The following RGL4 variants were observed in gnomAD, a reference collection of about 807,000 sequenced individuals.
RGL4 encodes the protein ral guanine nucleotide dissociation stimulator like 4.
In RGL4, 41 loss-of-function variants were observed where a neutral mutation model predicts 49.6. The ratio of observed to expected loss-of-function variants is 0.83; its 90% CI spans 0.64 to 1.07. The LOEUF (loss-of-function observed/expected upper bound fraction) is 1.07. RGL4 is among the 50% of genes least tolerant of loss of function. The pLI is 0.00. For missense variants in RGL4, 610 were observed against 591.9 expected (o/e 1.03, Z -0.32); for synonymous variants, 255 against 238.0 (o/e 1.07, Z -0.66).
chr22:23,693,856 C>T lies in RGL4; in HGVS notation c.794C>T (p.Ala265Val), dbSNP rs1468267143. 1.2e-6 allele frequency: 2 copies of T among 1,614,046 alleles called. No individual in the cohort carries two copies. Among genetic ancestry groups the T allele is most frequent in the East Asian group, 2.2e-5 (1 of 44,870 alleles). Residue 265 changes from alanine (A) to valine (V), a missense_variant, in exon 4 of 11, where the codon GCC (alanine) becomes GTC (valine). Physicochemically the swap from Ala to Val is moderately conservative, Grantham distance 64. Transcript: ENST00000290691. ...GAGCACATGGCACCCACAGTTCGTG[C>T]CACCATCGCACACTTCAACAGGCTC... ...GNEHMAPTVR[A>V]TIAHFNRLTN...
Position 23,698,956 on chromosome 22 carries a change from A to C in RGL4, c.*73A>C. ...GAACACCGGCTCTGCACCATCCCTC[A>C]CCCAGACCGTAGACACCAGGGAACC... On this transcript the variant is annotated 3_prime_UTR_variant, in exon 11 of 11. Transcript: ENST00000290691. 1 of 1,584,164 alleles carries C rather than the reference A, an allele frequency of 6.3e-7. No individual in the cohort carries two copies. The highest frequency in any genetic ancestry group is 8.6e-7 in the Non-Finnish European group (1 of 1,165,014).
Position 23,692,209 on chromosome 22 carries a change from G to A in RGL4, c.179G>A (p.Arg60His), listed in dbSNP as rs767297692. 1.7e-5 allele frequency: 28 copies of A among 1,612,454 alleles called. No individual in the cohort carries two copies. Among genetic ancestry groups the A allele is most frequent in the Middle Eastern group, 1.6e-4 (1 of 6,080 alleles). Residue 60 changes from arginine (R) to histidine (H), a missense_variant and splice_region_variant, in exon 1 of 11, where the codon CGC becomes CAC. Physicochemically the swap from Arg to His is conservative, Grantham distance 29. Coordinates refer to ENST00000290691, the MANE Select transcript of RGL4 (RefSeq NM_153615.2). The stretch of plus-strand genomic sequence containing the variant: ...TTCCAGGACAGCACTGATGGCTTAC[G>A]GTAGGGTGGGGCTGTCCTCCACACT... ...CPFQDSTDGLRTITSILFNWP... is the reference protein window; with the variant it reads ...CPFQDSTDGLHTITSILFNWP...
intron 3 of RGL4, 64 bp from the exon 4 acceptor site, chr22:23,693,695 G>C: frequency 1.5e-6 from 2 of 1,316,572 alleles, no homozygotes; most frequent in Non-Finnish European, 2.2e-6. Flanking sequence ...GTCCCTGCCT[G>C]GGACTGTGGG....
Position 23,696,686 on chromosome 22 carries a change from A to G in RGL4, c.1159A>G (p.Lys387Glu). 1.2e-6 allele frequency: 2 copies of G among 1,612,730 alleles called. No individual in the cohort carries two copies. Among genetic ancestry groups the G allele is most frequent in the South Asian group, 1.1e-5 (1 of 91,028 alleles). ...RVQMRLRRQK[K>E]GVVPFLGDFL... is the part of the protein sequence containing the mutation. The stretch of plus-strand genomic sequence containing the variant: ...CCAGATGAGGCTGCGGAGGCAGAAG[A>G]AGGTGAGTGAGCCTGTGGCATGGAC... The change falls in exon 7 of 11, where the codon AAG becomes GAG. Residue 387 changes from lysine to glutamate, a missense_variant and splice_region_variant. Physicochemically the swap from Lys to Glu is moderately conservative, Grantham distance 56. Transcript: ENST00000290691.
At position 23,698,866 on chromosome 22, in the gene RGL4, G is replaced by A. The variant is rs1386967833; in HGVS notation, c.1405G>A (p.Glu469Lys). Residue 469 changes from glutamate (E) to lysine (K), a missense_variant, in exon 11 of 11, where the codon GAG becomes AAG. By Grantham distance (56) the Glu-to-Lys change is moderately conservative (BLOSUM62 1). Transcript: ENST00000290691. ...KESYKLSCQLEPENP is the reference protein window; with the variant it reads ...KESYKLSCQLKPENP ...CAGCTACAAGCTGTCCTGCCAGCTG[G>A]AGCCCGAAAACCCGTAGGCTGGCAA... 3 of 1,612,940 alleles carry A rather than the reference G, an allele frequency of 1.9e-6. No homozygotes were observed. Among genetic ancestry groups the A allele is most frequent in the South Asian group, 2.2e-5 (2 of 90,668 alleles).
chr22:23,693,006 T>C lies in RGL4; in HGVS notation c.696+15T>C. 1.0e-5 allele frequency: 16 copies of C among 1,576,184 alleles called. No homozygotes were observed. Among genetic ancestry groups the C allele is most frequent in the Non-Finnish European group, 1.3e-5 (15 of 1,158,080 alleles). On this transcript the variant is annotated intron_variant, in intron 3 of 10. Coordinates refer to ENST00000290691, the MANE Select transcript of RGL4 (RefSeq NM_153615.2). ...TCATGGATGCGGTGAGCAGCTGAGC[T>C]TTGCAGGCTGTGTCTCTGGCACCAG...
At position 23,691,627 on chromosome 22, in the gene RGL4, T is replaced by C. The variant is rs1000397086; in HGVS notation, c.-404T>C. The C allele has an allele frequency of 3.1e-5, 6 of 193,634 alleles. No homozygotes were observed. The Admixed American group carries it at 3.1e-4, about 10-fold the overall frequency. The allele number at this position is 193,634 out of a possible 1,614,324, so 12.0% of individuals were successfully genotyped here. A position where few individuals can be genotyped will look rare whatever the true frequency, so the allele number is the denominator to read the frequency against. ...AGACCCTCATGGCCTCCTCTACGTA[T>C]GGTGGCATCCTCCCAGATTCTGACT... On this transcript the variant is annotated 5_prime_UTR_variant, in exon 1 of 11. The change abolishes an upstream ATG in the 5' untranslated region. Transcript: ENST00000290691.
Position 23,692,340 on chromosome 22 carries a change from T to G in RGL4, c.185T>G (p.Ile62Ser). The G allele has an allele frequency of 1.2e-6, 2 of 1,614,022 alleles. No individual in the cohort carries two copies. The highest frequency in any genetic ancestry group is 1.1e-5 in the South Asian group (1 of 91,044). The change falls in exon 2 of 11, where the codon ATC (isoleucine) becomes AGC (serine). Residue 62 changes from isoleucine to serine, a missense_variant. Transcript: ENST00000290691. ...GCTGTCTACTCCATCACCAGCACCA[T>G]CACCTCCATTTTGTTCAACTGGCCC... is the stretch of plus-strand genomic sequence containing the variant. ...FQDSTDGLRTITSILFNWPPE... is the reference protein window; with the variant it reads ...FQDSTDGLRTSTSILFNWPPE...
Position 23,698,968 on chromosome 22 carries a change from G to A in RGL4, c.*85G>A. The A allele has an allele frequency of 6.4e-7, 1 of 1,573,366 alleles. No individual in the cohort carries two copies. Among genetic ancestry groups the A allele is most frequent in the South Asian group, 1.2e-5 (1 of 86,058 alleles). ...TGCACCATCCCTCACCCAGACCGTA[G>A]ACACCAGGGAACCACATCTAGGAGG... On this transcript the variant is annotated 3_prime_UTR_variant, in exon 11 of 11. Transcript: ENST00000290691.
chr22:23,695,857 A>C (rs1013513690), intron 6 of RGL4, among the ~76,000 whole-genome samples: 1 of 152,204 alleles, frequency 6.6e-6, no homozygotes, highest in African/African-American at 2.4e-5. Flanking sequence ...GCGCATCAGG[A>C]GGCTACTTCC....
chr22:23,692,552 G>A lies in RGL4; in HGVS notation c.373+24G>A, dbSNP rs567971943. ...TGGTGAGGGGGCTTGCAGTCTGCAA[G>A]ACTTTCCGGGGGTGGTGTTTTGGGG... On this transcript the variant is annotated intron_variant, in intron 2 of 10. Coordinates refer to ENST00000290691, the MANE Select transcript of RGL4 (RefSeq NM_153615.2). The A allele has an allele frequency of 5.8e-4, 929 of 1,601,102 alleles. 11 individuals are homozygous for A. In the South Asian group the frequency reaches 9.7e-3, roughly 17 times the overall value.
At position 23,691,510 on chromosome 22, in the gene RGL4, C is replaced by A. The variant is rs141290910; in HGVS notation, c.-521C>A. ...GCTTGGCATAATTTCATAAACAAAG[C>A]AGATGACAATCCCCCGGCCTTGATT... is the stretch of plus-strand genomic sequence containing the variant. On this transcript the variant is annotated 5_prime_UTR_variant, in exon 1 of 11. Transcript: ENST00000290691. 338 of 154,248 alleles carry A rather than the reference C, an allele frequency of 2.2e-3. 2 individuals carry two copies. Among genetic ancestry groups the A allele is most frequent in the African/African-American group, 7.5e-3 (312 of 41,594 alleles). The allele number at this position is 154,248 out of a possible 1,614,324, so 9.6% of individuals were successfully genotyped here.
intron 6 of RGL4, 33 bp from the exon 7 acceptor site, chr22:23,696,581 A>G: frequency 6.8e-6 from 11 of 1,613,012 alleles, no homozygotes; most frequent in Non-Finnish European, 9.3e-6. Context: ...AGAGGAGGAG[A>G]GCCTCACTGT....
At chr22:23,698,702 C>A in intron 10 of RGL4, 142 bp from the exon 11 acceptor site, 1 of 1,113,660 alleles carries the variant, frequency 9.0e-7, no homozygotes, top group Non-Finnish European at 1.3e-6. Flanking sequence ...CTGCAGAGAG[C>A]CTATGGCCAT....
chr22:23,696,552 G>T, intron 6 of RGL4, 62 bp from the exon 7 acceptor site: 1 of 1,611,076 alleles, frequency 6.2e-7, no homozygotes, highest in African/African-American at 1.3e-5. Context: ...GTGCGGGGTG[G>T]CTGGGGTGTA....
chr22:23,694,432 C>A lies in RGL4; in HGVS notation c.998C>A (p.Thr333Lys). The A allele has an allele frequency of 6.2e-7, 1 of 1,613,302 alleles. No individual in the cohort carries two copies. Among genetic ancestry groups the A allele is most frequent in the Non-Finnish European group, 8.5e-7 (1 of 1,179,302 alleles). ...CSNPIGQLHK[T>K]WAGVSSKSMK... ...AACCCAATAGGTCAGCTACACAAGA[C>A]GTGGGCAGGAGTGTCCAGGTGAGGA... Residue 333 changes from threonine (T) to lysine (K), a missense_variant, in exon 5 of 11, where the codon ACG (threonine) becomes AAG (lysine). Physicochemically the swap from Thr to Lys is moderately conservative, Grantham distance 78 (BLOSUM62 -1). Coordinates refer to ENST00000290691, the MANE Select transcript of RGL4 (RefSeq NM_153615.2).
Position 23,698,917 on chromosome 22 carries a change from C to G in RGL4, c.*34C>G, listed in dbSNP as rs372190471. ...CATCCTGCAGTGGCTGGGAACCCAC[C>G]GGGATGCTGGCCAGAACACCGGCTC... On this transcript the variant is annotated 3_prime_UTR_variant, in exon 11 of 11. Transcript: ENST00000290691. The G allele has an allele frequency of 2.5e-6, 4 of 1,608,712 alleles. No homozygotes were observed. The highest frequency in any genetic ancestry group is 3.4e-6 in the Non-Finnish European group (4 of 1,177,666).
chr22:23,697,939 G>T, intron 9 of RGL4, 78 bp downstream of exon 9: 1 of 1,505,706 alleles, frequency 6.6e-7, no homozygotes, highest in Non-Finnish European at 9.1e-7. Context: ...GACACTCCCT[G>T]GCTCCATCCT....
chr22:23,696,532 G>A (rs773039719), intron 6 of RGL4, 82 bp from the exon 7 acceptor site: 1 of 1,604,684 alleles, frequency 6.2e-7, no homozygotes, highest in Non-Finnish European at 8.5e-7. Context: ...GCCACTCCCT[G>A]GGGATCCAAG....
Sources: allele counts gnomAD v4.1 joint callset (sites outside exome capture counted in the v4.1 genomes callset), GRCh38; gene constraint gnomAD v4.1.1; transcripts MANE v1.5; gene names NCBI Gene and HGNC (gene_info 2026-07-23, HGNC 2026-07-21).